Variants in PPP2R1B observed in about 807,000 individuals in gnomAD.
The protein encoded by PPP2R1B is protein phosphatase 2 scaffold subunit Abeta, also known as serine/threonine-protein phosphatase 2A 65 kDa regulatory subunit A beta isoform.
Under a neutral mutation model 72.7 loss-of-function variants are expected in PPP2R1B, and 58 were observed. That is an observed-to-expected ratio of 0.80 (90% CI 0.65 to 0.99). PPP2R1B has a LOEUF of 0.99. Among genes scored for constraint, PPP2R1B ranks in the 50% least tolerant of loss-of-function variants. PPP2R1B has a pLI of 0.00. For missense variants in PPP2R1B, 695 were observed against 733.6 expected, an observed-to-expected ratio of 0.95 and a Z score of 0.61; for synonymous variants, 256 against 264.6, an observed-to-expected ratio of 0.97 and a Z score of 0.32.
Position 111,766,305 on chromosome 11 carries a change from A to T in PPP2R1B, c.57T>A (p.Asp19Glu). 1 of 1,574,850 alleles carries T rather than the reference A, an allele frequency of 6.3e-7. No individual in the cohort carries two copies. The highest frequency in any genetic ancestry group is 1.6e-5 in the African/African-American group (1 of 62,068). ...TGPGAAGGDG[D>E]DSLYPIAVLI... Reference sequence around the variant, plus strand: ...AAACCGCGATCGGGTATAGCGAATCATCTCCATCTCCACCCGCTGCTCCTG... The same window carrying T: ...AAACCGCGATCGGGTATAGCGAATCTTCTCCATCTCCACCCGCTGCTCCTG... The change falls in exon 1 of 15, where the codon GAT becomes GAA. Residue 19 changes from aspartate (D) to glutamate (E), a missense_variant. Asp to Glu is a conservative substitution (Grantham distance 45, BLOSUM62 2). Transcript: ENST00000527614.
chr11:111,757,172 G>A (rs149607337), intron 5 of PPP2R1B, among the ~76,000 whole-genome samples: 32 of 151,732 alleles, frequency 2.1e-4, no homozygotes, highest in African/African-American at 6.8e-4. Flanking sequence ...AATTGAGACT[G>A]TAGATTTGTG....
intron 10 of PPP2R1B, among the ~76,000 whole-genome samples, chr11:111,748,882 T>C (rs1944798735): frequency 1.3e-5 from 2 of 152,144 alleles, no homozygotes; most frequent in South Asian, 4.1e-4. Context: ...AGTCTCACTC[T>C]ATTGCCCAGG....
chr11:111,698,539 G>A, the PPP2R1B span, among the ~76,000 whole-genome samples: 9 of 152,130 alleles, frequency 5.9e-5, no homozygotes, highest in Admixed American at 5.9e-4. Flanking sequence ...CCCAGGAGTT[G>A]GAGACCAGCC....
At chr11:111,757,068 C>G (rs571082404) in intron 5 of PPP2R1B, among the ~76,000 whole-genome samples, 1 of 150,638 alleles carries the variant, frequency 6.6e-6, no homozygotes, top group Admixed American at 6.6e-5. Flanking sequence ...GAGCCGAGAT[C>G]GCGCCACTGC....
downstream of PPP2R1B, chr11:111,723,636 A>T: frequency 6.2e-7 from 1 of 1,614,102 alleles, no homozygotes; most frequent in Non-Finnish European, 8.5e-7. Flanking sequence ...CCGCCTTCTC[A>T]GCAGGCCCCA....
At chr11:111,723,461 A>T, downstream of PPP2R1B, 1 of 1,549,864 alleles carries the variant, frequency 6.5e-7, no homozygotes. Context: ...ACTTGAGAAG[A>T]TTTAAAATTC....
At position 111,738,431 on chromosome 11, in the gene PPP2R1B, C is replaced by A; in HGVS notation, c.*3165G>T. The A allele has an allele frequency of 2.0e-6, 2 of 985,482 alleles. No individual in the cohort carries two copies. Among genetic ancestry groups the A allele is most frequent in the South Asian group, 9.4e-5 (2 of 21,292 alleles). The allele number at this position is 985,482 out of a possible 1,614,324, so 61.0% of individuals were successfully genotyped here. On this transcript the variant is annotated 3_prime_UTR_variant, in exon 15 of 15. Transcript: ENST00000527614. The stretch of plus-strand genomic sequence containing the variant: ...AAGCCCCAGCCTTTCAGTTTAGTGA[C>A]AACACAACAGTTAACAAAGGAACAA...
chr11:111,756,836 A>C (rs1332882679), intron 5 of PPP2R1B, among the ~76,000 whole-genome samples: 2 of 152,166 alleles, frequency 1.3e-5, no homozygotes, highest in Non-Finnish European at 2.9e-5. Context: ...GTGAGGGGCC[A>C]GGCACAGTGG....
intron 5 of PPP2R1B, among the ~76,000 whole-genome samples, chr11:111,759,118 C>G (rs1218771032): frequency 6.6e-6 from 1 of 152,190 alleles, no homozygotes; most frequent in Admixed American, 6.5e-5. Flanking sequence ...TGGAGCCAAA[C>G]CACCTAGATT....
chr11:111,693,497 T>C, the PPP2R1B span, among the ~76,000 whole-genome samples: 2 of 152,216 alleles, frequency 1.3e-5, no homozygotes, highest in East Asian at 1.9e-4. Flanking sequence ...GTTTTAGTAA[T>C]TGCAGTACTA....
the PPP2R1B span, among the ~76,000 whole-genome samples, chr11:111,703,004 G>T: frequency 6.6e-6 from 1 of 152,058 alleles, no homozygotes; most frequent in African/African-American, 2.4e-5. Context: ...ACACCCTCCT[G>T]TTTTTCTTAG....
At chr11:111,723,954 T>C, downstream of PPP2R1B, 1 of 1,614,136 alleles carries the variant, frequency 6.2e-7, no homozygotes, top group African/African-American at 1.3e-5. Flanking sequence ...CAGTATCCTG[T>C]GGATGGAGCC....
At chr11:111,742,380 T>G in intron 13 of PPP2R1B, 143 bp downstream of exon 13, 1 of 972,634 alleles carries the variant, frequency 1.0e-6, no homozygotes, top group South Asian at 1.9e-5. Flanking sequence ...TCCTCAAAAA[T>G]AGTTGCTAAA....
At chr11:111,726,799 T>C, downstream of PPP2R1B, 1 of 629,316 alleles carries the variant, frequency 1.6e-6, no homozygotes, top group Non-Finnish European at 2.8e-6. Flanking sequence ...CTGATTCACG[T>C]TAGCAGTGTG....
At position 111,753,801 on chromosome 11, in the gene PPP2R1B, C is replaced by T. The variant is rs192463142; in HGVS notation, c.1030-224G>A. On this transcript the variant is annotated intron_variant, in intron 8 of 14. Coordinates refer to ENST00000527614, the MANE Select transcript of PPP2R1B (RefSeq NM_002716.5). ...CCTGGCTAATTTTTTTCATTTTTTG[C>T]AGAGACAGGTTCTTACTACATTGCC... Among the ~76,000 whole-genome samples, 13 of 152,022 alleles carry T rather than the reference C, an allele frequency of 8.6e-5. No homozygotes were observed. In the East Asian group the frequency reaches 2.5e-3, roughly 29 times the overall value.
the PPP2R1B span, chr11:111,703,212 A>G: frequency 6.2e-7 from 1 of 1,614,070 alleles, no homozygotes. Flanking sequence ...GATTGCGAGC[A>G]CCTTATCCGA....
intron 1 of PPP2R1B, 32 bp downstream of exon 1, chr11:111,766,216 C>G: frequency 6.2e-7 from 1 of 1,609,098 alleles, no homozygotes; most frequent in Non-Finnish European, 8.5e-7. Flanking sequence ...ACCAGCCGGT[C>G]TCGCCTCGGG....
chr11:111,721,683 C>T, the PPP2R1B span: 1 of 565,492 alleles, frequency 1.8e-6, no homozygotes, highest in Non-Finnish European at 3.1e-6. Flanking sequence ...GAGCCCTCAG[C>T]CTACTGGCTC....
Position 111,752,324 on chromosome 11 carries a change from G to T in PPP2R1B, c.1173C>A (p.Asp391Glu), listed in dbSNP as rs782707375. The part of the protein sequence containing the change: ...FLAQLKDECP[D>E]VRLNIISNLD... Reference sequence around the variant, plus strand: ...AATTGGAGATGATATTCAAACGAACGTCAGGACACTGCAAGTACACAAGCC... The same window carrying T: ...AATTGGAGATGATATTCAAACGAACTTCAGGACACTGCAAGTACACAAGCC... Residue 391 changes from aspartate (D) to glutamate (E), a missense_variant, in exon 10 of 15, where the codon GAC (aspartate) becomes GAA (glutamate). Coordinates refer to ENST00000527614, the MANE Select transcript of PPP2R1B (RefSeq NM_002716.5). 6.2e-7 allele frequency: 1 copy of T among 1,608,648 alleles called. No individual in the cohort carries two copies. The highest frequency in any genetic ancestry group is 2.2e-5 in the East Asian group (1 of 44,762).
Sources: gnomAD v4.1 joint callset for allele counts (sites outside exome capture counted in the v4.1 genomes callset) on GRCh38, gnomAD v4.1.1 for gene constraint, MANE v1.5 for transcripts, NCBI Gene and HGNC (gene_info 2026-07-23, HGNC 2026-07-21) for gene names.